CACNG4: variants seen among roughly 807,000 people sequenced by gnomAD.
CACNG4 encodes voltage-dependent calcium channel gamma-4 subunit.
CACNG4 carries 8 observed loss-of-function variants against 22.9 expected under a neutral mutation model. The observed-to-expected ratio is 0.35, with a 90% CI of 0.21 to 0.63. The LOEUF is 0.63. Among genes scored for constraint, CACNG4 ranks in the 30% least tolerant of loss-of-function variants. The probability of loss-of-function intolerance (pLI) is 0.72; values close to 1 mark genes in which losing one functional copy is unlikely to be tolerated. For synonymous variants in CACNG4, 188 were observed against 191.9 expected, an observed-to-expected ratio of 0.98 and a Z score of 0.17; for missense variants, 357 against 455.4, an observed-to-expected ratio of 0.78 and a Z score of 1.97.
At chr17:67,005,414 G>A (rs375436379) in intron 1 of CACNG4, among the ~76,000 whole-genome samples, 4 of 152,172 alleles carry the variant, frequency 2.6e-5, no homozygotes, top group African/African-American at 7.2e-5. Flanking sequence ...CAAGGCAGAC[G>A]GCCCACTCCC....
intron 1 of CACNG4, among the ~76,000 whole-genome samples, chr17:66,985,901 T>G (rs1039000549): frequency 5.3e-5 from 8 of 151,938 alleles, no homozygotes; most frequent in Non-Finnish European, 1.2e-4. Flanking sequence ...GTAAGTCATG[T>G]GAGCCAGTTT....
intron 2 of CACNG4, among the ~76,000 whole-genome samples, chr17:67,021,277 A>G (rs2035530270): frequency 3.0e-5 from 1 of 33,276 alleles, no homozygotes; most frequent in Non-Finnish European, 5.3e-5. Flanking sequence ...AGCAGCAAAG[A>G]AAACAGGGCT....
At position 67,027,203 on chromosome 17, in the gene CACNG4, C is replaced by T. The variant is rs571722101; in HGVS notation, c.445+2203C>T. On this transcript the variant is annotated intron_variant, in intron 3 of 3. Coordinates refer to ENST00000262138, the MANE Select transcript of CACNG4 (RefSeq NM_014405.4). The surrounding 1 kb of genome is among the most constrained non-coding windows in gnomAD (Gnocchi z 4.3). Reference sequence around the variant, plus strand: ...AAAGACATGCTGTGCCCAGGGCTGCCAGCCTCCAAAGCCCTTCGAGGTGCC... The same window carrying T: ...AAAGACATGCTGTGCCCAGGGCTGCTAGCCTCCAAAGCCCTTCGAGGTGCC... 9.3e-4 allele frequency among the ~76,000 whole-genome samples: 141 copies of T among 152,332 alleles called. 1 individual carries two copies. Among genetic ancestry groups the T allele is most frequent in the African/African-American group, 3.4e-3 (141 of 41,574 alleles).
intron 1 of CACNG4, among the ~76,000 whole-genome samples, chr17:66,973,867 A>G (rs977377127): frequency 4.6e-5 from 7 of 152,058 alleles, no homozygotes; most frequent in South Asian, 2.1e-4. Flanking sequence ...CCGTCCCCCA[A>G]TTCTTGTTCT....
chr17:67,002,301 G>A (rs753783730), intron 1 of CACNG4, among the ~76,000 whole-genome samples: 10 of 152,250 alleles, frequency 6.6e-5, no homozygotes, highest in East Asian at 1.9e-4. Flanking sequence ...GGAAAGACCC[G>A]CCCCCATGAT....
At chr17:66,990,685 A>AT (rs369531301) in intron 1 of CACNG4, among the ~76,000 whole-genome samples, 97 of 140,520 alleles carry the variant, frequency 6.9e-4, no homozygotes, top group Non-Finnish European at 1.1e-3. Context: ...ATTTTATTTT[A>AT]TTTATTTATT....
chr17:67,025,037 C>T lies in CACNG4; in HGVS notation c.445+37C>T, dbSNP rs750098191. On this transcript the variant is annotated intron_variant, in intron 3 of 3. Transcript: ENST00000262138. ...GCCCGGGCTGGTGCTGGGCCGGGAGCTGGGGACACAGGAGTGCCTGTCTCG... is the reference window on the plus strand; with the variant it reads ...GCCCGGGCTGGTGCTGGGCCGGGAGTTGGGGACACAGGAGTGCCTGTCTCG... The T allele has an allele frequency of 3.2e-6, 5 of 1,543,834 alleles. No individual in the cohort carries two copies. The East Asian group carries it at 1.2e-4, about 36-fold the overall frequency.
chr17:67,031,088 A>T lies in CACNG4; in HGVS notation c.*84A>T, dbSNP rs2035602997. 2 of 1,449,652 alleles carry T rather than the reference A, an allele frequency of 1.4e-6. No individual in the cohort carries two copies. Among genetic ancestry groups the T allele is most frequent in the Admixed American group, 4.0e-5 (2 of 50,052 alleles). 89.8% of individuals were successfully genotyped at this position (1,449,652 alleles called of 1,614,324 possible). A position where few individuals can be genotyped will look rare whatever the true frequency, so the allele number is the denominator to read the frequency against. On this transcript the variant is annotated 3_prime_UTR_variant, in exon 4 of 4. Coordinates refer to ENST00000262138, the MANE Select transcript of CACNG4 (RefSeq NM_014405.4). The surrounding 1 kb of genome is among the most constrained non-coding windows in gnomAD (Gnocchi z 4.0). ...AGGATGGCATGTGATCCTCAAGACG[A>T]CGAACAATGAACTAAAGCCAAATGC...
intron 1 of CACNG4, among the ~76,000 whole-genome samples, chr17:66,976,035 C>T (rs1018642102): frequency 6.6e-6 from 1 of 152,182 alleles, no homozygotes; most frequent in Non-Finnish European, 1.5e-5. Context: ...ACAGAGACAG[C>T]GCTCGTGGGG....
chr17:66,989,458 G>A (rs905559635), intron 1 of CACNG4, among the ~76,000 whole-genome samples: 2 of 151,580 alleles, frequency 1.3e-5, no homozygotes, highest in East Asian at 3.9e-4. Context: ...AGAAAAGCAT[G>A]GGGCAGATCC....
At chr17:67,028,095 A>G (rs904632812) in intron 3 of CACNG4, among the ~76,000 whole-genome samples, 10 of 152,334 alleles carry the variant, frequency 6.6e-5, no homozygotes, top group African/African-American at 2.4e-4. Flanking sequence ...TACAGAACAC[A>G]ACAGAAGAGA....
rs2035612080 is a variant in CACNG4 at position 67,032,180 on chromosome 17, G to T, written c.*1176G>T. ...GAGTGAGTTTGGATAAACGGACCGA[G>T]CTGGGCTTCTCTTCCTCCCTACAGA... is the stretch of plus-strand genomic sequence containing the variant. On this transcript the variant is annotated 3_prime_UTR_variant, in exon 4 of 4. Transcript: ENST00000262138. 5.5e-6 allele frequency: 2 copies of T among 365,322 alleles called. No individual in the cohort carries two copies. The highest frequency in any genetic ancestry group is 3.8e-4 in the Middle Eastern group (1 of 2,630). 22.6% of individuals were successfully genotyped at this position (365,322 alleles called of 1,614,324 possible). A position where few individuals can be genotyped will look rare whatever the true frequency, so the allele number is the denominator to read the frequency against.
At chr17:66,976,552 T>C (rs935263694) in intron 1 of CACNG4, among the ~76,000 whole-genome samples, 2 of 150,188 alleles carry the variant, frequency 1.3e-5, no homozygotes, top group African/African-American at 4.9e-5. Flanking sequence ...CTTTATTCTT[T>C]CTTCCTGGTC....
rs2035576256 is a variant in CACNG4 at position 67,027,675 on chromosome 17, CAG to C, written c.445+2680_445+2681del. Among the ~76,000 whole-genome samples, 1 of 152,148 alleles carries C rather than the reference CAG, an allele frequency of 6.6e-6. No individual in the cohort carries two copies. Among genetic ancestry groups the C allele is most frequent in the Non-Finnish European group, 1.5e-5 (1 of 68,020 alleles). On this transcript the variant is annotated intron_variant, in intron 3 of 3. Transcript: ENST00000262138. This position sits in a 1 kb window ranked among gnomAD's most constrained non-coding sequence, Gnocchi z 4.3. ...ACCCTTTTCCAACTCGTGCTGAATA[CAG>C]AGAGGGGAAGAAAACACAAAGCTAG...
intron 1 of CACNG4, among the ~76,000 whole-genome samples, chr17:66,979,745 C>CTTTTTTTTT (rs35942551): frequency 9.8e-5 from 9 of 92,020 alleles, no homozygotes; most frequent in African/African-American, 1.3e-4. Context: ...TCTTTTCATG[C>CTTTTTTTTT]TTTTTTTTTT....
At position 67,018,348 on chromosome 17, in the gene CACNG4, G is replaced by C; in HGVS notation, c.304+76G>C. The C allele has an allele frequency of 1.9e-6, 2 of 1,040,620 alleles. 1 individual carries two copies. Among genetic ancestry groups the C allele is most frequent in the South Asian group, 2.6e-5 (2 of 77,820 alleles). The allele number at this position is 1,040,620 out of a possible 1,614,324, so 64.5% of individuals were successfully genotyped here. ...GGGGAAGGCGGCCGGAGGAAAGAGA[G>C]ACACTGGGCATGGAGAGGGTGATTG... On this transcript the variant is annotated intron_variant, in intron 2 of 3. Coordinates refer to ENST00000262138, the MANE Select transcript of CACNG4 (RefSeq NM_014405.4).
At position 66,984,651 on chromosome 17, in the gene CACNG4, T is replaced by C. The variant is rs1401026959; in HGVS notation, c.220+19520T>C. On this transcript the variant is annotated intron_variant, in intron 1 of 3. Transcript: ENST00000262138. The surrounding 1 kb of genome is among the most constrained non-coding windows in gnomAD (Gnocchi z 4.0). ...AGAAAGATACTCCTGTATCTGCAGATTCTGAGACTCGGAGCTGTTCAGAAT... is the reference window on the plus strand; with the variant it reads ...AGAAAGATACTCCTGTATCTGCAGACTCTGAGACTCGGAGCTGTTCAGAAT... Among the ~76,000 whole-genome samples the C allele has an allele frequency of 1.4e-4, 22 of 152,162 alleles. 1 individual carries two copies. The highest frequency in any genetic ancestry group is 1.5e-5 in the Non-Finnish European group (1 of 68,032).
At chr17:67,005,523 C>T (rs766923576) in intron 1 of CACNG4, among the ~76,000 whole-genome samples, 6 of 152,230 alleles carry the variant, frequency 3.9e-5, no homozygotes, top group South Asian at 2.1e-4. Context: ...GCTTACCACA[C>T]GAGCTTTGAT....
At chr17:66,994,029 A>G (rs1473400097) in intron 1 of CACNG4, among the ~76,000 whole-genome samples, 1 of 151,322 alleles carries the variant, frequency 6.6e-6, no homozygotes, top group Non-Finnish European at 1.5e-5. Flanking sequence ...ATAAAAAAAA[A>G]AAAACATTTT....
Sources: allele counts gnomAD v4.1 joint callset (sites outside exome capture counted in the v4.1 genomes callset), GRCh38; gene constraint gnomAD v4.1.1; non-coding constraint Gnocchi (gnomAD v3.1); transcripts MANE v1.5; gene names NCBI Gene and HGNC (gene_info 2026-07-23, HGNC 2026-07-21).